C19orf47: variants seen among roughly 807,000 people sequenced by gnomAD.
C19orf47 encodes chromosome 19 open reading frame 47, also known as uncharacterized protein C19orf47.
C19orf47 carries 18 observed loss-of-function variants against 32.3 expected under a neutral mutation model. The ratio of observed to expected loss-of-function variants is 0.56; its 90% CI spans 0.39 to 0.83. C19orf47 has a LOEUF of 0.83. C19orf47 is among the 40% of genes least tolerant of loss of function. C19orf47 has a pLI of 0.00. For missense variants in C19orf47, 484 were observed against 531.6 expected (o/e 0.91, Z 0.88); for synonymous variants, 202 against 211.1 (o/e 0.96, Z 0.37).
chr19:40,323,113 G>T (rs563765981), intron 8 of C19orf47, among the ~76,000 whole-genome samples: 131 of 152,294 alleles, frequency 8.6e-4, no homozygotes, highest in Non-Finnish European at 1.7e-3. Flanking sequence ...CTCTTCATAG[G>T]GCTGGAACTT....
At chr19:40,328,301 A>T in intron 6 of C19orf47, 112 bp downstream of exon 6, 4 of 1,456,140 alleles carry the variant, frequency 2.7e-6, no homozygotes, top group Non-Finnish European at 3.7e-6. Context: ...AATGTTTTGT[A>T]TACCTTGTGG....
the C19orf47 span, among the ~76,000 whole-genome samples, chr19:40,301,182 A>C: frequency 3.3e-4 from 50 of 152,106 alleles, no homozygotes; most frequent in African/African-American, 1.2e-3. Context: ...AACCCTGCTA[A>C]CAACATCAGG....
chr19:40,312,409 G>C, the C19orf47 span, among the ~76,000 whole-genome samples: 1 of 152,168 alleles, frequency 6.6e-6, no homozygotes, highest in Non-Finnish European at 1.5e-5. Flanking sequence ...GCCAGGCATG[G>C]TGGCGGGCGC....
chr19:40,340,095 G>C (rs557045054), intron 2 of C19orf47, among the ~76,000 whole-genome samples: 2 of 151,784 alleles, frequency 1.3e-5, no homozygotes, highest in East Asian at 3.9e-4. Flanking sequence ...TAGGACTCTC[G>C]GGGGGCTGAC....
At chr19:40,326,673 A>G (rs1247536288) in intron 6 of C19orf47, among the ~76,000 whole-genome samples, 187 bp from the exon 7 acceptor site, 2 of 152,128 alleles carry the variant, frequency 1.3e-5, no homozygotes, top group Non-Finnish European at 2.9e-5. Flanking sequence ...AGGTCACAGA[A>G]GGTGCTCAGA....
At chr19:40,310,065 C>G in the C19orf47 span, among the ~76,000 whole-genome samples, 2 of 152,186 alleles carry the variant, frequency 1.3e-5, no homozygotes, top group African/African-American at 4.8e-5. Context: ...AATACTTGTA[C>G]CTGAATATTG....
chr19:40,341,061 C>T (rs1289081536), intron 2 of C19orf47, among the ~76,000 whole-genome samples: 2 of 151,534 alleles, frequency 1.3e-5, no homozygotes, highest in Admixed American at 6.6e-5. Context: ...GGGCCAGGCG[C>T]GGTGGCTCAT....
At position 40,324,859 on chromosome 19, in the gene C19orf47, C is replaced by T. The variant is rs576502329; in HGVS notation, c.593-783G>A. Among the ~76,000 whole-genome samples the T allele has an allele frequency of 4.0e-5, 6 of 151,798 alleles. No homozygotes were observed. In the South Asian group the frequency reaches 1.0e-3, roughly 26 times the overall value. ...TGGTGGCCCACATCTATAGTCCCTG[C>T]TACTGGGGAGGTAAGGTAGGAACCC... On this transcript the variant is annotated intron_variant, in intron 7 of 8. Coordinates refer to ENST00000683109, the MANE Select transcript of C19orf47 (RefSeq NM_001256441.2).
chr19:40,317,243 C>T (rs749509065), downstream of C19orf47, among the ~76,000 whole-genome samples: 3 of 152,048 alleles, frequency 2.0e-5, no homozygotes, highest in Non-Finnish European at 4.4e-5. Flanking sequence ...TTACAAGTAG[C>T]TGGGAATACA....
chr19:40,305,036 C>T, the C19orf47 span, among the ~76,000 whole-genome samples: 7 of 151,620 alleles, frequency 4.6e-5, no homozygotes, highest in African/African-American at 1.7e-4. Context: ...TGAGACCAGC[C>T]TGCTACTAAA....
intron 6 of C19orf47, among the ~76,000 whole-genome samples, chr19:40,327,358 T>G (rs2077855677): frequency 6.7e-6 from 1 of 150,348 alleles, no homozygotes; most frequent in Non-Finnish European, 1.5e-5. Context: ...TTCATCATCT[T>G]GTGCAGGTTG....
chr19:40,326,574 C>T, intron 6 of C19orf47, 88 bp from the exon 7 acceptor site: 2 of 1,455,950 alleles, frequency 1.4e-6, no homozygotes, highest in Non-Finnish European at 1.8e-6. Flanking sequence ...CCTTTATCTC[C>T]ACACATTCAT....
chr19:40,326,489 G>C lies in C19orf47; in HGVS notation c.440-3C>G, dbSNP rs1021597702. On this transcript the variant is annotated splice_polypyrimidine_tract_variant and splice_region_variant and intron_variant, in intron 6 of 8. Transcript: ENST00000683109. ...CTCCTCCCGGCGGGCCAGGGCTGCT[G>C]GGGGAAGAAAGCAGGGGTATCAGCA... The C allele has an allele frequency of 2.5e-6, 4 of 1,611,952 alleles. No homozygotes were observed. Among genetic ancestry groups the C allele is most frequent in the Non-Finnish European group, 3.4e-6 (4 of 1,179,906 alleles).
intron 5 of C19orf47, among the ~76,000 whole-genome samples, chr19:40,330,719 T>C (rs1361072671): frequency 6.6e-6 from 1 of 151,850 alleles, no homozygotes; most frequent in Non-Finnish European, 1.5e-5. Context: ...AGACAGGGTC[T>C]CACTATGTTG....
At chr19:40,326,235 T>C in intron 7 of C19orf47, 99 bp downstream of exon 7, 1 of 1,512,312 alleles carries the variant, frequency 6.6e-7, no homozygotes. Context: ...CGTTAGAACC[T>C]GCTTCTCAGC....
the C19orf47 span, among the ~76,000 whole-genome samples, chr19:40,299,894 T>C: frequency 1.2e-3 from 188 of 152,134 alleles, 1 homozygote; most frequent in Middle Eastern, 0.01. Context: ...TCAGGCGTGG[T>C]GACGGGCACC....
the C19orf47 span, among the ~76,000 whole-genome samples, chr19:40,313,548 C>G: frequency 4.6e-5 from 7 of 152,192 alleles, no homozygotes; most frequent in African/African-American, 1.7e-4. Context: ...TGGTCTGGAA[C>G]TCCTGGGCTG....
the C19orf47 span, among the ~76,000 whole-genome samples, chr19:40,311,099 G>A: frequency 7.2e-5 from 11 of 152,048 alleles, no homozygotes; most frequent in East Asian, 1.9e-4. Flanking sequence ...AAATTGGGCC[G>A]GGTGCAGTGG....
At chr19:40,323,598 C>T (rs761964230) in intron 8 of C19orf47, among the ~76,000 whole-genome samples, 36 of 152,154 alleles carry the variant, frequency 2.4e-4, no homozygotes, top group East Asian at 7.7e-4. Flanking sequence ...GGTAACTGTG[C>T]GAGACCATTC....
Sources: allele counts gnomAD v4.1 joint callset (sites outside exome capture counted in the v4.1 genomes callset), GRCh38; gene constraint gnomAD v4.1.1; transcripts MANE v1.5; gene names NCBI Gene and HGNC (gene_info 2026-07-23, HGNC 2026-07-21).